The following ITSN2 variants were observed in gnomAD, a reference collection of about 807,000 sequenced individuals.
The protein encoded by ITSN2 is intersectin-2.
ITSN2 carries 156 observed loss-of-function variants against 243.7 expected under a neutral mutation model. That is an observed-to-expected ratio of 0.64 (90% CI 0.56 to 0.73). The LOEUF (loss-of-function observed/expected upper bound fraction) is 0.73. Among genes scored for constraint, ITSN2 ranks in the 30% least tolerant of loss-of-function variants. The pLI is 0.00. For synonymous variants in ITSN2, 703 were observed against 699.9 expected (o/e 1.00, Z -0.07); for missense variants, 1,801 against 1,996.1 (o/e 0.90, Z 1.86).
intron 17 of ITSN2, among the ~76,000 whole-genome samples, chr2:24,283,957 C>T (rs1679145499): frequency 6.6e-6 from 1 of 152,212 alleles, no homozygotes; most frequent in South Asian, 2.1e-4. Flanking sequence ...TCCCCTGCTG[C>T]TACCATCTTT....
intron 2 of ITSN2, among the ~76,000 whole-genome samples, chr2:24,317,753 T>A (rs1457207568): frequency 6.6e-6 from 1 of 152,214 alleles, no homozygotes; most frequent in South Asian, 2.1e-4. Context: ...CAGCCTCTGA[T>A]TTAGACTGAA....
At chr2:24,342,158 C>A (rs552526016) in intron 1 of ITSN2, among the ~76,000 whole-genome samples, 6 of 151,906 alleles carry the variant, frequency 3.9e-5, no homozygotes, top group Admixed American at 3.3e-4. Flanking sequence ...GAAGAAAGAG[C>A]GATTGAGAAG....
chr2:24,261,848 A>G, intron 20 of ITSN2, 106 bp from the exon 21 acceptor site: 9 of 773,656 alleles, frequency 1.2e-5, no homozygotes, highest in Non-Finnish European at 1.4e-5. Flanking sequence ...AATTAAGCCC[A>G]TCTAACTAAA....
chr2:24,210,707 G>A (rs1429846829), intron 34 of ITSN2, 73 bp downstream of exon 34: 2 of 1,452,014 alleles, frequency 1.4e-6, no homozygotes, highest in Non-Finnish European at 1.9e-6. Context: ...CTGTCCACGT[G>A]AGGGAAGGCT....
intron 1 of ITSN2, among the ~76,000 whole-genome samples, chr2:24,337,315 A>AATATATATATATACACATAT (rs1278959952): frequency 6.2e-5 from 2 of 32,020 alleles, no homozygotes; most frequent in South Asian, 1.4e-3. Flanking sequence ...GTATACACAA[A>AATATATATATATACACATAT]ATATATATAT....
intron 15 of ITSN2, 132 bp from the exon 16 acceptor site, chr2:24,286,483 C>T: frequency 1.6e-6 from 1 of 622,526 alleles, no homozygotes; most frequent in African/African-American, 1.9e-5. Flanking sequence ...CAGACCAGTA[C>T]AAGAGAAAAC....
At chr2:24,274,550 G>A (rs954856239) in intron 18 of ITSN2, among the ~76,000 whole-genome samples, 5 of 152,158 alleles carry the variant, frequency 3.3e-5, no homozygotes, top group Admixed American at 1.3e-4. Flanking sequence ...ATCCAGCCTC[G>A]GTGGCAGAGC....
At chr2:24,290,663 G>A (rs1163036986) in intron 15 of ITSN2, among the ~76,000 whole-genome samples, 1 of 152,078 alleles carries the variant, frequency 6.6e-6, no homozygotes, top group East Asian at 1.9e-4. Flanking sequence ...GCGGTAAAGA[G>A]CTCCTCTGCA....
intron 4 of ITSN2, 95 bp from the exon 5 acceptor site, chr2:24,312,470 G>T: frequency 1.2e-6 from 1 of 806,132 alleles, no homozygotes; most frequent in Non-Finnish European, 1.9e-6. Flanking sequence ...ATGATGATAT[G>T]GCATTCACGT....
At chr2:24,300,775 T>C (rs1681619368) in intron 11 of ITSN2, among the ~76,000 whole-genome samples, 1 of 152,244 alleles carries the variant, frequency 6.6e-6, no homozygotes, top group Non-Finnish European at 1.5e-5. Flanking sequence ...GTTATACATT[T>C]GTTTTGATGT....
Position 24,204,543 on chromosome 2 carries a change from C to CGCTGCCTGG in ITSN2, c.4763-134_4763-126dup, listed in dbSNP as rs757899495. The CGCTGCCTGG allele has an allele frequency of 2.3e-4, 194 of 853,910 alleles. No individual in the cohort carries two copies. Among genetic ancestry groups the CGCTGCCTGG allele is most frequent in the Admixed American group, 2.6e-4 (14 of 52,866 alleles). 52.9% of individuals were successfully genotyped at this position (853,910 alleles called of 1,614,324 possible). ...CACTCGAGACCATGGCAGCAGGAGC[C>CGCTGCCTGG]GCTGCCTGGGGCACCATATCCCTGT... On this transcript the variant is annotated intron_variant, in intron 38 of 39. Transcript: ENST00000355123. The surrounding 1 kb of genome is among the most constrained non-coding windows in gnomAD (Gnocchi z 5.1).
At chr2:24,293,862 C>A in intron 14 of ITSN2, 87 bp from the exon 15 acceptor site, 1 of 447,182 alleles carries the variant, frequency 2.2e-6, no homozygotes, top group Non-Finnish European at 4.1e-6. Flanking sequence ...AGGATTTACT[C>A]ATCTTTGAAA....
Position 24,261,649 on chromosome 2 carries a change from G to GCATTTTTTCTA in ITSN2, c.2438_2448dup (p.Pro817Ter). On this transcript the variant is annotated stop_gained and frameshift_variant, in exon 21 of 40. Transcript: ENST00000355123. LOFTEE classifies it high-confidence loss of function. ...ACAGCTTTTTCATTTTCACTTGATG[G>GCATTTTTTCTA]CATTTTTTCTACATAATTGCATGGA... 1 of 1,612,800 alleles carries GCATTTTTTCTA rather than the reference G, an allele frequency of 6.2e-7. No individual in the cohort carries two copies. The highest frequency in any genetic ancestry group is 8.5e-7 in the Non-Finnish European group (1 of 1,178,968).
At chr2:24,273,840 T>A (rs1677677650) in intron 18 of ITSN2, 1 of 152,112 alleles carries the variant, frequency 6.6e-6, no homozygotes, top group South Asian at 2.1e-4. Context: ...AGGCCACAAC[T>A]AAAATGTGAA....
chr2:24,220,455 T>C (rs1244819152), intron 30 of ITSN2: 24 of 988,826 alleles, frequency 2.4e-5, no homozygotes, highest in Non-Finnish European at 2.6e-5. Flanking sequence ...TGGGAACTAT[T>C]TTACAATATG....
chr2:24,220,792 G>C, intron 30 of ITSN2, 153 bp downstream of exon 30: 1 of 1,429,668 alleles, frequency 7.0e-7, no homozygotes, highest in Non-Finnish European at 9.1e-7. Flanking sequence ...GCATTTGGAG[G>C]ATGTGAGAGC....
chr2:24,322,230 T>TGC (rs1684653973), intron 2 of ITSN2, among the ~76,000 whole-genome samples: 1 of 152,194 alleles, frequency 6.6e-6, no homozygotes, highest in South Asian at 2.1e-4. Context: ...TTACATGTAT[T>TGC]GCTTCAAGTA....
chr2:24,324,825 G>A (rs1186334469), intron 2 of ITSN2, among the ~76,000 whole-genome samples: 1 of 128,748 alleles, frequency 7.8e-6, no homozygotes, highest in Non-Finnish European at 1.5e-5. Context: ...TGTACTCCAG[G>A]CTGGGTTGAC....
At chr2:24,355,511 G>A (rs1688365148) in intron 1 of ITSN2, among the ~76,000 whole-genome samples, 2 of 152,146 alleles carry the variant, frequency 1.3e-5, no homozygotes, top group African/African-American at 4.8e-5. Context: ...AAATGGTGCT[G>A]GGAAAATTGG....
Sources: gnomAD v4.1 joint callset for allele counts (sites outside exome capture counted in the v4.1 genomes callset) on GRCh38, gnomAD v4.1.1 for gene constraint, Gnocchi (gnomAD v3.1) non-coding constraint, MANE v1.5 for transcripts, NCBI Gene and HGNC (gene_info 2026-07-23, HGNC 2026-07-21) for gene names.